The following SUMF1 variants were observed in gnomAD, a reference collection of about 807,000 sequenced individuals.
SUMF1 encodes the protein sulfatase modifying factor 1, also known as formylglycine-generating enzyme.
In SUMF1, 48 loss-of-function variants were observed where a neutral mutation model predicts 47.6. That is an observed-to-expected ratio of 1.01 (90% CI 0.80 to 1.28). The LOEUF is 1.28. Ranked by LOEUF, SUMF1 falls within the 50% of genes most tolerant of loss-of-function variation. SUMF1 has a pLI of 0.00. For missense variants in SUMF1, 571 were observed against 485.4 expected (o/e 1.18, Z -1.66); for synonymous variants, 230 against 192.1 (o/e 1.20, Z -1.63).
intron 3 of SUMF1, among the ~76,000 whole-genome samples, chr3:4,422,537 T>C (rs1045410216): frequency 3.3e-5 from 5 of 151,796 alleles, no homozygotes; most frequent in Admixed American, 6.6e-5. Context: ...CTACTACTAA[T>C]GGGTATTTGG....
At chr3:4,188,245 G>A (rs1359462116) in intron 8 of SUMF1, among the ~76,000 whole-genome samples, 1 of 150,986 alleles carries the variant, frequency 6.6e-6, no homozygotes, top group Non-Finnish European at 1.5e-5. Context: ...GGGTAATCTT[G>A]GCTCACTGCA....
At chr3:4,251,643 TCAGA>T (rs781646194) in intron 8 of SUMF1, among the ~76,000 whole-genome samples, 20 of 152,182 alleles carry the variant, frequency 1.3e-4, no homozygotes, top group Non-Finnish European at 2.4e-4. Flanking sequence ...TGGTGAATAT[TCAGA>T]CAGTCAATCC....
chr3:4,182,261 A>G (rs564713907), intron 8 of SUMF1, among the ~76,000 whole-genome samples: 1 of 152,034 alleles, frequency 6.6e-6, no homozygotes, highest in Non-Finnish European at 1.5e-5. Flanking sequence ...TCTCTCAAAA[A>G]TAAAATATTA....
At chr3:4,323,280 G>A (rs566977025) in intron 8 of SUMF1, among the ~76,000 whole-genome samples, 12 of 152,206 alleles carry the variant, frequency 7.9e-5, no homozygotes, top group Admixed American at 2.6e-4. Flanking sequence ...GACAGAAACC[G>A]GACACAACAG....
At chr3:4,419,595 G>A (rs1449486760) in intron 4 of SUMF1, among the ~76,000 whole-genome samples, 3 of 152,128 alleles carry the variant, frequency 2.0e-5, no homozygotes, top group Admixed American at 2.0e-4. Context: ...CAGTTAGATG[G>A]TGGCTTCAAA....
chr3:4,366,859 T>C (rs1251832188), intron 8 of SUMF1, among the ~76,000 whole-genome samples: 1 of 152,148 alleles, frequency 6.6e-6, no homozygotes, highest in Non-Finnish European at 1.5e-5. Context: ...TATCTACTTT[T>C]GGTGTTTGAT....
At chr3:4,117,415 G>T (rs927958763) in intron 8 of SUMF1, among the ~76,000 whole-genome samples, 50 of 152,190 alleles carry the variant, frequency 3.3e-4, no homozygotes, top group Non-Finnish European at 6.0e-4. Context: ...TATGATACAT[G>T]CTAATTAATA....
At chr3:4,418,961 C>T (rs1701806717) in intron 4 of SUMF1, among the ~76,000 whole-genome samples, 1 of 152,272 alleles carries the variant, frequency 6.6e-6, no homozygotes, top group East Asian at 1.9e-4. Context: ...TCCTTATACA[C>T]CTTTGAATTC....
At chr3:4,217,903 T>C (rs1695971518) in intron 8 of SUMF1, among the ~76,000 whole-genome samples, 1 of 151,920 alleles carries the variant, frequency 6.6e-6, no homozygotes, top group Non-Finnish European at 1.5e-5. Flanking sequence ...ATAGGTAAGG[T>C]CTGATTTGGG....
chr3:4,431,041 A>G (rs965468030), intron 3 of SUMF1, among the ~76,000 whole-genome samples: 8 of 152,212 alleles, frequency 5.3e-5, no homozygotes, highest in African/African-American at 1.9e-4. Context: ...TCCCCTCTAT[A>G]GTGTCTCTAG....
chr3:4,332,509 C>T (rs1372750049), intron 8 of SUMF1, among the ~76,000 whole-genome samples: 3 of 152,184 alleles, frequency 2.0e-5, no homozygotes, highest in African/African-American at 7.2e-5. Flanking sequence ...AGGAAAACCA[C>T]CTTAAGCAAA....
chr3:4,260,468 C>T (rs1192179395), intron 8 of SUMF1, among the ~76,000 whole-genome samples: 2 of 152,174 alleles, frequency 1.3e-5, no homozygotes, highest in Non-Finnish European at 2.9e-5. Flanking sequence ...GTAAGCCAAT[C>T]TACATGACTT....
intron 3 of SUMF1, among the ~76,000 whole-genome samples, chr3:4,448,730 C>T (rs182286761): frequency 1.3e-5 from 2 of 152,274 alleles, no homozygotes; most frequent in African/African-American, 4.8e-5. Flanking sequence ...TCTGCATTCC[C>T]TGGATCCTCC....
At chr3:4,036,585 C>T (rs2125014125) in intron 9 of SUMF1, among the ~76,000 whole-genome samples, 1 of 147,696 alleles carries the variant, frequency 6.8e-6, no homozygotes, top group Admixed American at 6.9e-5. Context: ...CTTCCATTTC[C>T]TTCTTGCTAT....
In SUMF1 at chr3:4,094,520, G is replaced by A. The variant is rs556180113; in HGVS notation, c.1015-25775C>T. On this transcript the variant is annotated intron_variant and NMD_transcript_variant, in intron 8 of 12. Coordinates refer to the SUMF1 transcript ENST00000448413. ...ATGGAGAGGTCAGGATGTAAGCTAG[G>A]CTTTGAAGGTGAGGTAAGCTTATTA... Among the ~76,000 whole-genome samples the A allele has an allele frequency of 3.3e-5, 5 of 152,134 alleles. No individual in the cohort carries two copies. In the South Asian group the frequency reaches 8.3e-4, roughly 25 times the overall value.
At chr3:4,049,469 T>C (rs1379240594) in intron 9 of SUMF1, among the ~76,000 whole-genome samples, 2 of 152,038 alleles carry the variant, frequency 1.3e-5, no homozygotes, top group African/African-American at 4.8e-5. Context: ...CACTGAGAAA[T>C]TGAAATGGGA....
At chr3:4,139,692 T>C (rs535434372) in intron 8 of SUMF1, among the ~76,000 whole-genome samples, 1 of 151,892 alleles carries the variant, frequency 6.6e-6, no homozygotes, top group East Asian at 1.9e-4. Flanking sequence ...GGACTAGTCA[T>C]ATGGCAAACA....
At chr3:4,170,494 G>A (rs529477915) in intron 8 of SUMF1, among the ~76,000 whole-genome samples, 33 of 152,216 alleles carry the variant, frequency 2.2e-4, no homozygotes, top group South Asian at 1.9e-3. Flanking sequence ...ACAGGAGTGG[G>A]GAATAAGGAA....
intron 8 of SUMF1, among the ~76,000 whole-genome samples, chr3:4,364,926 C>A (rs1699898859): frequency 6.6e-6 from 1 of 150,744 alleles, no homozygotes; most frequent in South Asian, 2.1e-4. Context: ...TATGTTGTGT[C>A]TTTGTTCTTG....
Sources: gnomAD v4.1 joint callset for allele counts (sites outside exome capture counted in the v4.1 genomes callset) on GRCh38, gnomAD v4.1.1 for gene constraint, MANE v1.5 for transcripts, NCBI Gene and HGNC (gene_info 2026-07-23, HGNC 2026-07-21) for gene names.